The following BCAR3 variants were observed in gnomAD, a reference collection of about 807,000 sequenced individuals.
BCAR3 encodes breast cancer anti-estrogen resistance protein 3.
A neutral mutation model predicts 80.1 loss-of-function variants in BCAR3; 37 were observed. That is an observed-to-expected ratio of 0.46 (90% CI 0.36 to 0.61). The LOEUF (loss-of-function observed/expected upper bound fraction) is 0.61. BCAR3 is among the 20% of genes least tolerant of loss of function. The probability of loss-of-function intolerance (pLI) is 0.00; values close to 1 mark genes in which losing one functional copy is unlikely to be tolerated. For synonymous variants in BCAR3, 389 were observed against 418.9 expected, an observed-to-expected ratio of 0.93 and a Z score of 0.87; for missense variants, 978 against 1,068.2, an observed-to-expected ratio of 0.92 and a Z score of 1.18.
chr1:93,645,308 AAAAATAAGGAG>A (rs1676119616), intron 2 of BCAR3, among the ~76,000 whole-genome samples: 1 of 152,190 alleles, frequency 6.6e-6, no homozygotes, highest in African/African-American at 2.4e-5. Context: ...GAAATACTCT[AAAAATAAGGAG>A]AAAATAAGGA....
chr1:93,843,603 T>G (rs1655040452), intron 2 of BCAR3, among the ~76,000 whole-genome samples: 1 of 152,220 alleles, frequency 6.6e-6, no homozygotes, highest in South Asian at 2.1e-4. Flanking sequence ...GTTTGTTTTT[T>G]AAATCTCACC....
At chr1:93,836,191 G>A (rs1654761256) in intron 2 of BCAR3, among the ~76,000 whole-genome samples, 1 of 152,144 alleles carries the variant, frequency 6.6e-6, no homozygotes, top group Non-Finnish European at 1.5e-5. Context: ...TTAAGCTCCT[G>A]TACGGACACT....
intron 2 of BCAR3, among the ~76,000 whole-genome samples, chr1:93,762,202 T>C (rs1421753702): frequency 6.6e-6 from 1 of 152,164 alleles, no homozygotes; most frequent in Non-Finnish European, 1.5e-5. Context: ...CACATCTCAC[T>C]CCTCCATTGT....
chr1:93,733,120 C>T (rs143635900), intron 2 of BCAR3, among the ~76,000 whole-genome samples: 7 of 152,226 alleles, frequency 4.6e-5, no homozygotes, highest in African/African-American at 1.2e-4. Context: ...CTCTGGGTCT[C>T]GGCTGCTTTC....
intron 2 of BCAR3, among the ~76,000 whole-genome samples, chr1:93,752,481 GT>G (rs1651592272): frequency 6.6e-6 from 1 of 152,238 alleles, no homozygotes. Context: ...TTGACTTTCA[GT>G]TGTGCCATCA....
intron 3 of BCAR3, among the ~76,000 whole-genome samples, chr1:93,704,960 A>G (rs1215088181): frequency 2.0e-5 from 3 of 152,232 alleles, no homozygotes; most frequent in Non-Finnish European, 4.4e-5. Flanking sequence ...CAATAGGTAC[A>G]TGTCAGCATG....
At chr1:93,802,276 C>A (rs921717509) in intron 2 of BCAR3, among the ~76,000 whole-genome samples, 9 of 151,824 alleles carry the variant, frequency 5.9e-5, no homozygotes, top group African/African-American at 1.9e-4. Context: ...CACCACTGCA[C>A]TCCAGCCTGG....
At chr1:93,753,207 A>C (rs1200885628) in intron 2 of BCAR3, 6 of 152,248 alleles carry the variant, frequency 3.9e-5, no homozygotes, top group Non-Finnish European at 8.8e-5. Context: ...ATAGCAGGTG[A>C]ATGATACAGC....
At chr1:93,585,330 C>A (rs1046029201) in intron 5 of BCAR3, among the ~76,000 whole-genome samples, 8 of 152,226 alleles carry the variant, frequency 5.3e-5, no homozygotes, top group Non-Finnish European at 8.8e-5. Flanking sequence ...CCTCCTCCCA[C>A]TTAAACATTT....
chr1:93,771,123 TA>T lies in BCAR3; in HGVS notation c.-62-64982del, dbSNP rs774347854. Among the ~76,000 whole-genome samples, 31 of 152,340 alleles carry T rather than the reference TA, an allele frequency of 2.0e-4. 1 individual carries two copies. In the East Asian group the frequency reaches 5.4e-3, roughly 26 times the overall value. On this transcript the variant is annotated intron_variant, in intron 2 of 13. Transcript: ENST00000370244. ...ATGTACTGTGTTCTCATTTTATCCT[TA>T]TAACAACCCTACAAGGTTAATTCCA...
intron 3 of BCAR3, among the ~76,000 whole-genome samples, chr1:93,618,111 G>T (rs1675194957): frequency 6.6e-6 from 1 of 152,198 alleles, no homozygotes; most frequent in African/African-American, 2.4e-5. Flanking sequence ...AGCTACAGAA[G>T]CTGCCAAAGA....
intron 2 of BCAR3, among the ~76,000 whole-genome samples, chr1:93,752,758 C>T (rs947922449): frequency 2.6e-5 from 4 of 152,360 alleles, no homozygotes; most frequent in Admixed American, 2.6e-4. Flanking sequence ...CATGGCCACA[C>T]TCCATAGCTC....
At chr1:93,744,796 G>A (rs952782941) in intron 2 of BCAR3, among the ~76,000 whole-genome samples, 2 of 152,198 alleles carry the variant, frequency 1.3e-5, no homozygotes, top group Non-Finnish European at 2.9e-5. Flanking sequence ...AAACGCAATG[G>A]GTTTCATGTC....
At chr1:93,684,277 C>T (rs1648899237), upstream of BCAR3, among the ~76,000 whole-genome samples, 1 of 152,176 alleles carries the variant, frequency 6.6e-6, no homozygotes, top group Non-Finnish European at 1.5e-5. Context: ...TCAAAGTTCC[C>T]TGAGTACCTA....
At chr1:93,740,076 C>T (rs1651125958) in intron 2 of BCAR3, among the ~76,000 whole-genome samples, 1 of 151,796 alleles carries the variant, frequency 6.6e-6, no homozygotes, top group Admixed American at 6.6e-5. Flanking sequence ...AAAGAGCCTC[C>T]GAAATACCAG....
Position 93,674,789 on chromosome 1 carries a change from GTA to G in BCAR3, c.140_141del (p.Ile47ThrfsTer18). On this transcript the variant is annotated frameshift_variant, in exon 2 of 12. Coordinates refer to ENST00000260502, the MANE Select transcript of BCAR3 (RefSeq NM_003567.4). LOFTEE classifies it high-confidence loss of function. ...TTTTTCTTCCGTGGAAGGGTGCCAT[GTA>G]TAGACACATCTTGATAGGCATCTGG... Reference protein sequence around the residue: ...HRPDAYQDVSIHGTLPRKKKG... With the variant: ...HRPDAYQDVSXHGTLPRKKKG... 1.2e-6 allele frequency: 2 copies of G among 1,611,776 alleles called. No individual in the cohort carries two copies. Among genetic ancestry groups the G allele is most frequent in the Non-Finnish European group, 1.7e-6 (2 of 1,179,362 alleles).
chr1:93,749,298 T>C (rs1052799713), intron 2 of BCAR3, among the ~76,000 whole-genome samples: 2 of 152,060 alleles, frequency 1.3e-5, no homozygotes, highest in African/African-American at 4.8e-5. Context: ...TTTAAAAATA[T>C]AAATCATGGG....
intron 2 of BCAR3, among the ~76,000 whole-genome samples, chr1:93,773,909 C>T (rs904510700): frequency 6.6e-6 from 1 of 152,164 alleles, no homozygotes; most frequent in African/African-American, 2.4e-5. Context: ...CTTCTCTATT[C>T]CCTACTTGAA....
chr1:93,768,010 C>G (rs2100737116), intron 2 of BCAR3, among the ~76,000 whole-genome samples: 1 of 152,170 alleles, frequency 6.6e-6, no homozygotes, highest in South Asian at 2.1e-4. Flanking sequence ...TTAGTCTAGG[C>G]CTTGAAAAAG....
Sources: allele counts gnomAD v4.1 joint callset (sites outside exome capture counted in the v4.1 genomes callset), GRCh38; gene constraint gnomAD v4.1.1; transcripts MANE v1.5; gene names NCBI Gene and HGNC (gene_info 2026-07-23, HGNC 2026-07-21).